Variants in NALF1 observed in about 807,000 individuals in gnomAD.
NALF1 encodes NALCN channel auxiliary factor 1.
Under a neutral mutation model 48.4 loss-of-function variants are expected in NALF1, and 3 were observed. The ratio of observed to expected loss-of-function variants is 0.06; its 90% confidence interval spans 0.03 to 0.16. The LOEUF (loss-of-function observed/expected upper bound fraction) is 0.16. Ranked by LOEUF, NALF1 falls within the 10% of genes least tolerant of loss-of-function variation. The pLI is 1.00. For synonymous variants in NALF1, 262 were observed against 245.7 expected, an observed-to-expected ratio of 1.07 and a Z score of -0.62; for missense variants, 526 against 571.5, an observed-to-expected ratio of 0.92 and a Z score of 0.81.
chr13:107,236,953 T>C (rs1466675843), intron 1 of NALF1, among the ~76,000 whole-genome samples: 2 of 152,154 alleles, frequency 1.3e-5, no homozygotes, highest in Non-Finnish European at 2.9e-5. Flanking sequence ...TGATTTAAAG[T>C]ATACAGGAGG....
chr13:107,593,116 T>C, intron 1 of NALF1, among the ~76,000 whole-genome samples: 1 of 151,896 alleles, frequency 6.6e-6, no homozygotes, highest in East Asian at 1.9e-4. Flanking sequence ...ACGAAGTACA[T>C]ATTGTGTTCA....
intron 2 of NALF1, among the ~76,000 whole-genome samples, chr13:107,204,855 G>GA (rs202104845): frequency 5.0e-4 from 74 of 149,080 alleles, no homozygotes; most frequent in South Asian, 3.2e-3. Flanking sequence ...TGTTTTCAGA[G>GA]AAAAAAAAAC....
At chr13:107,488,645 T>C (rs1359275057) in intron 1 of NALF1, among the ~76,000 whole-genome samples, 1 of 152,154 alleles carries the variant, frequency 6.6e-6, no homozygotes, top group Non-Finnish European at 1.5e-5. Context: ...GAGCCGTATA[T>C]GACAAACCTA....
At chr13:107,514,442 TA>T (rs1875992904) in intron 1 of NALF1, among the ~76,000 whole-genome samples, 1 of 147,478 alleles carries the variant, frequency 6.8e-6, no homozygotes, top group African/African-American at 2.6e-5. Flanking sequence ...TCTATCTATC[TA>T]TCTATCTATC....
chr13:107,251,530 C>T lies in NALF1; in HGVS notation c.916-40775G>A, dbSNP rs138180691. ...CATTAAAGAGAGAAGCCCCTGCCTA[C>T]AGCTACATCCCACAGGCTGAAGCCT... is the stretch of plus-strand genomic sequence containing the variant. On this transcript the variant is annotated intron_variant, in intron 1 of 2. Coordinates refer to ENST00000375915, the MANE Select transcript of NALF1 (RefSeq NM_001080396.3). Among the ~76,000 whole-genome samples, 739 of 152,338 alleles carry T rather than the reference C, an allele frequency of 4.9e-3. 6 individuals are homozygous for T. The highest frequency in any genetic ancestry group is 5.6e-3 in the Non-Finnish European group (381 of 68,036).
chr13:107,810,622 T>C (rs1878959862), intron 1 of NALF1, among the ~76,000 whole-genome samples: 1 of 152,182 alleles, frequency 6.6e-6, no homozygotes, highest in Non-Finnish European at 1.5e-5. Flanking sequence ...CAAAAAATCT[T>C]CTTCCGTTCT....
intron 1 of NALF1, among the ~76,000 whole-genome samples, chr13:107,387,259 T>TA (rs141505683): frequency 0.041 from 6,318 of 152,292 alleles, 257 homozygotes; most frequent in African/African-American, 0.1. Flanking sequence ...AAATCTATAT[T>TA]ACTCCTTGTA....
intron 1 of NALF1, among the ~76,000 whole-genome samples, chr13:107,698,631 G>A (rs549734474): frequency 1.6e-4 from 25 of 152,080 alleles, no homozygotes; most frequent in Admixed American, 1.5e-3. Flanking sequence ...AGACATTTTT[G>A]AATATAAAAT....
At chr13:107,430,642 T>C (rs984395166) in intron 1 of NALF1, among the ~76,000 whole-genome samples, 2 of 152,240 alleles carry the variant, frequency 1.3e-5, no homozygotes, top group African/African-American at 4.8e-5. Flanking sequence ...TCATTTTTTA[T>C]GGCTGCATAG....
intron 1 of NALF1, among the ~76,000 whole-genome samples, chr13:107,220,326 C>A (rs569925885): frequency 6.6e-6 from 1 of 152,214 alleles, no homozygotes; most frequent in Non-Finnish European, 1.5e-5. Context: ...AGCCAACCGG[C>A]ACCCTGGGAA....
chr13:107,725,059 G>A (rs940723576), intron 1 of NALF1, among the ~76,000 whole-genome samples: 1 of 152,038 alleles, frequency 6.6e-6, no homozygotes, highest in Admixed American at 6.6e-5. Context: ...TCTTACTTCT[G>A]GATAAAAATA....
At chr13:107,600,909 G>A (rs1029199113) in intron 1 of NALF1, among the ~76,000 whole-genome samples, 1 of 152,190 alleles carries the variant, frequency 6.6e-6, no homozygotes, top group Non-Finnish European at 1.5e-5. Flanking sequence ...CAAGTGCCTA[G>A]TAAGAAATGA....
chr13:107,413,809 T>G (rs917966487), intron 1 of NALF1, among the ~76,000 whole-genome samples: 1 of 152,300 alleles, frequency 6.6e-6, no homozygotes. Context: ...TTTTTTGTGA[T>G]GGAGTCTCTC....
chr13:107,348,559 C>T (rs1469297287), intron 1 of NALF1, among the ~76,000 whole-genome samples: 1 of 152,050 alleles, frequency 6.6e-6, no homozygotes, highest in East Asian at 1.9e-4. Context: ...GCTCCATATG[C>T]ATTAGGTTTT....
At chr13:107,676,321 T>C (rs1881121677) in intron 1 of NALF1, among the ~76,000 whole-genome samples, 1 of 152,220 alleles carries the variant, frequency 6.6e-6, no homozygotes, top group South Asian at 2.1e-4. Context: ...GTCAGCATTC[T>C]GGGAATTCCT....
At chr13:107,260,210 T>C (rs1339883926) in intron 1 of NALF1, among the ~76,000 whole-genome samples, 2 of 152,214 alleles carry the variant, frequency 1.3e-5, no homozygotes, top group African/African-American at 4.8e-5. Flanking sequence ...TTAGGGATAA[T>C]TAGTTAAGAT....
At chr13:107,645,794 C>T (rs9587415) in intron 1 of NALF1, among the ~76,000 whole-genome samples, 29,528 of 151,930 alleles carry the variant, frequency 0.19, 3,049 homozygotes, top group Middle Eastern at 0.35. Context: ...AAGGCAAAAC[C>T]GGCACCATGT....
chr13:107,731,803 T>C (rs370756799), intron 1 of NALF1, among the ~76,000 whole-genome samples: 18 of 152,334 alleles, frequency 1.2e-4, no homozygotes, highest in East Asian at 7.7e-4. Context: ...CAGCCTGCCA[T>C]TGATGGTCAT....
chr13:107,474,587 C>A (rs1213265076), intron 1 of NALF1, among the ~76,000 whole-genome samples: 2 of 151,806 alleles, frequency 1.3e-5, no homozygotes, highest in African/African-American at 4.8e-5. Context: ...TACATACATA[C>A]AGAGAGAGAG....
Sources: gnomAD v4.1 joint callset for allele counts (sites outside exome capture counted in the v4.1 genomes callset) on GRCh38, gnomAD v4.1.1 for gene constraint, MANE v1.5 for transcripts, NCBI Gene and HGNC (gene_info 2026-07-23, HGNC 2026-07-21) for gene names.